The following MGAT5 variants were observed in gnomAD, a reference collection of about 807,000 sequenced individuals.
The protein encoded by MGAT5 is alpha-1,6-mannosylglycoprotein 6-beta-N-acetylglucosaminyltransferase A.
In MGAT5, 30 loss-of-function variants were observed where a neutral mutation model predicts 94.3. The observed-to-expected ratio is 0.32, with a 90% CI of 0.24 to 0.43. The LOEUF is 0.43. Among genes scored for constraint, MGAT5 ranks in the 20% least tolerant of loss-of-function variants. MGAT5 has a pLI of 1.00. For synonymous variants in MGAT5, 310 were observed against 322.9 expected (o/e 0.96, Z 0.43); for missense variants, 691 against 905.5 (o/e 0.76, Z 3.04).
At chr2:134,176,596 T>A (rs1414319944) in intron 1 of MGAT5, among the ~76,000 whole-genome samples, 17 of 92,768 alleles carry the variant, frequency 1.8e-4, no homozygotes, top group Non-Finnish European at 2.6e-4. Flanking sequence ...AAAAAAAAAA[T>A]TCTAAACCAT....
At chr2:134,419,823 G>A (rs1558873248) in intron 12 of MGAT5, among the ~76,000 whole-genome samples, 1 of 152,204 alleles carries the variant, frequency 6.6e-6, no homozygotes, top group Non-Finnish European at 1.5e-5. Context: ...TTAAAAGGCA[G>A]GAGAGGAGGG....
rs542554377 is a variant in MGAT5, at chr2:134,167,388, G to A, written c.-143+47097G>A. Among the ~76,000 whole-genome samples, 3 of 152,362 alleles carry A rather than the reference G, an allele frequency of 2.0e-5. No homozygotes were observed. The East Asian group carries it at 5.8e-4, about 29-fold the overall frequency. ...GGCCCAGCCCACATGTTTACAGCGT[G>A]TTGGCAGTGGTTCTCCAACTTCAGC... On this transcript the variant is annotated intron_variant, in intron 1 of 16. Transcript: ENST00000409645.
At chr2:134,290,862 AG>A (rs2105773487) in intron 2 of MGAT5, among the ~76,000 whole-genome samples, 1 of 152,336 alleles carries the variant, frequency 6.6e-6, no homozygotes, top group South Asian at 2.1e-4. Context: ...AGCCATGCAG[AG>A]GGAATCCACT....
chr2:134,414,428 T>G (rs2106335327), intron 12 of MGAT5, among the ~76,000 whole-genome samples: 2 of 152,314 alleles, frequency 1.3e-5, no homozygotes, highest in South Asian at 4.1e-4. Flanking sequence ...GTGACTGACT[T>G]CTTTGAAACT....
intron 10 of MGAT5, among the ~76,000 whole-genome samples, chr2:134,364,118 CA>C (rs1680269235): frequency 1.3e-5 from 2 of 152,128 alleles, no homozygotes; most frequent in South Asian, 4.1e-4. Context: ...CCTAGAAAAA[CA>C]AAACAATAAA....
At chr2:134,151,524 C>T (rs569202852) in intron 1 of MGAT5, among the ~76,000 whole-genome samples, 49 of 140,798 alleles carry the variant, frequency 3.5e-4, no homozygotes, top group African/African-American at 1.1e-3. Context: ...CCACTCACTG[C>T]CATGGGACCT....
chr2:134,204,565 A>C (rs2105296834), intron 1 of MGAT5, among the ~76,000 whole-genome samples: 1 of 152,242 alleles, frequency 6.6e-6, no homozygotes, highest in East Asian at 1.9e-4. Flanking sequence ...GGCACATAAA[A>C]AGAAAAAACA....
intron 4 of MGAT5, among the ~76,000 whole-genome samples, chr2:134,324,102 CT>C (rs996343023): frequency 6.6e-6 from 1 of 152,078 alleles, no homozygotes; most frequent in Admixed American, 6.6e-5. Context: ...GACACTGGCA[CT>C]TTTTTTTCTT....
chr2:134,414,486 TTTTG>T (rs1683857633), intron 12 of MGAT5, among the ~76,000 whole-genome samples: 1 of 152,212 alleles, frequency 6.6e-6, no homozygotes, highest in African/African-American at 2.4e-5. Flanking sequence ...CCCTCGGGTT[TTTTG>T]TTTATTTTTG....
intron 1 of MGAT5, among the ~76,000 whole-genome samples, chr2:134,162,488 G>C (rs907898230): frequency 6.6e-6 from 1 of 152,170 alleles, no homozygotes; most frequent in African/African-American, 2.4e-5. Context: ...ACTATGTACT[G>C]GGAACTTTAG....
intron 15 of MGAT5, 51 bp from the exon 16 acceptor site, chr2:134,448,598 A>G: frequency 6.4e-7 from 1 of 1,562,736 alleles, no homozygotes; most frequent in East Asian, 2.2e-5. Flanking sequence ...GTGACGAGGA[A>G]AGGCTCTGTC....
At chr2:134,444,531 A>G (rs1225702204) in intron 15 of MGAT5, among the ~76,000 whole-genome samples, 1 of 152,248 alleles carries the variant, frequency 6.6e-6, no homozygotes, top group Non-Finnish European at 1.5e-5. Context: ...AACCCCTGCT[A>G]TCTGGCAGTC....
chr2:134,181,818 C>T (rs1519304), intron 1 of MGAT5, among the ~76,000 whole-genome samples: 40,265 of 152,120 alleles, frequency 0.26, 7,152 homozygotes, highest in African/African-American at 0.49. Flanking sequence ...CTCCACACTT[C>T]GCCTTGAGTA....
rs72980070 is a variant in MGAT5 at position 134,416,101 on chromosome 2, C to G, written c.1677+3086C>G. 7.9e-3 allele frequency among the ~76,000 whole-genome samples: 1,204 copies of G among 152,274 alleles called. 19 individuals carry two copies. Among genetic ancestry groups the G allele is most frequent in the African/African-American group, 0.027 (1,115 of 41,550 alleles). The stretch of plus-strand genomic sequence containing the variant: ...ATATTAATTTTCCATGTTTGTTTAA[C>G]ATTTGAGATAAAGTATATACAACAT... On this transcript the variant is annotated intron_variant, in intron 12 of 15. Coordinates refer to ENST00000281923, the MANE Select transcript of MGAT5 (RefSeq NM_002410.5).
intron 10 of MGAT5, among the ~76,000 whole-genome samples, chr2:134,388,020 G>A (rs1682139079): frequency 6.6e-6 from 1 of 152,116 alleles, no homozygotes; most frequent in Non-Finnish European, 1.5e-5. Context: ...AAAATTCATG[G>A]GGATCAGAGC....
At chr2:134,128,788 C>T (rs899965108) in intron 1 of MGAT5, among the ~76,000 whole-genome samples, 1 of 152,108 alleles carries the variant, frequency 6.6e-6, no homozygotes, top group Non-Finnish European at 1.5e-5. Flanking sequence ...TCAAGCTGGT[C>T]TCGAAGTCCT....
intron 1 of MGAT5, among the ~76,000 whole-genome samples, chr2:134,245,819 A>G (rs1007059333): frequency 1.3e-5 from 2 of 152,286 alleles, no homozygotes; most frequent in South Asian, 4.1e-4. Context: ...TTTGCTATTG[A>G]TGCCAGATAT....
intron 14 of MGAT5, among the ~76,000 whole-genome samples, chr2:134,433,053 C>G (rs1684973628): frequency 6.6e-6 from 1 of 152,134 alleles, no homozygotes; most frequent in Admixed American, 6.5e-5. Context: ...TTTCCGTCAC[C>G]CCAAAAAACT....
intron 9 of MGAT5, among the ~76,000 whole-genome samples, chr2:134,354,597 T>C (rs1181491949): frequency 1.3e-5 from 2 of 152,304 alleles, no homozygotes; most frequent in African/African-American, 4.8e-5. Flanking sequence ...TTGAAGAACC[T>C]TGCATTTCTG....
Sources: gnomAD v4.1 joint callset for allele counts (sites outside exome capture counted in the v4.1 genomes callset) on GRCh38, gnomAD v4.1.1 for gene constraint, MANE v1.5 for transcripts, NCBI Gene and HGNC (gene_info 2026-07-23, HGNC 2026-07-21) for gene names.